SLC7A7: variants seen among roughly 807,000 people sequenced by gnomAD.
SLC7A7 encodes the protein Y+L amino acid transporter 1.
A neutral mutation model predicts 47.9 loss-of-function variants in SLC7A7; 39 were observed. The observed-to-expected ratio is 0.81, with a 90% CI of 0.63 to 1.06. The LOEUF (loss-of-function observed/expected upper bound fraction) is 1.06, where lower values mean the gene tolerates loss of function less well. SLC7A7 is among the 50% of genes least tolerant of loss of function. SLC7A7 has a pLI of 0.00. For missense variants in SLC7A7, 588 were observed against 632.0 expected, an observed-to-expected ratio of 0.93 and a Z score of 0.75; for synonymous variants, 234 against 242.8, an observed-to-expected ratio of 0.96 and a Z score of 0.34.
chr14:22,789,456 C>T (rs573725906), intron 2 of SLC7A7, among the ~76,000 whole-genome samples: 17 of 151,936 alleles, frequency 1.1e-4, no homozygotes, highest in Admixed American at 5.2e-4. Context: ...GGTGAAACCC[C>T]GTCTCTACTA....
intron 2 of SLC7A7, among the ~76,000 whole-genome samples, chr14:22,797,353 C>A (rs1372237074): frequency 6.6e-6 from 1 of 152,196 alleles, no homozygotes; most frequent in Non-Finnish European, 1.5e-5. Flanking sequence ...GCAACCATTT[C>A]TACTACCCTA....
In SLC7A7 at chr14:22,774,486, G is replaced by C. The variant is rs1258584863; in HGVS notation, c.1113C>G (p.Ile371Met). The C allele has an allele frequency of 6.2e-7, 1 of 1,614,018 alleles. No individual in the cohort carries two copies. Among genetic ancestry groups the C allele is most frequent in the African/African-American group, 1.3e-5 (1 of 74,900 alleles). ...SLLFNGIMALIYLCVEDIFQL... is the reference protein window; with the variant it reads ...SLLFNGIMALMYLCVEDIFQL... ...GGAAGATGTCTTCCACGCACAAGTA[G>C]ATCAATGCCATGATACCCTGTAAGC... is the stretch of plus-strand genomic sequence containing the variant. Residue 371 changes from isoleucine to methionine, a missense_variant, in exon 8 of 10, where the codon ATC becomes ATG. Ile to Met is a conservative substitution (Grantham distance 10, BLOSUM62 1). Coordinates refer to ENST00000674313, the MANE Select transcript of SLC7A7 (RefSeq NM_003982.4).
chr14:22,790,713 A>G (rs1479460494), intron 2 of SLC7A7, among the ~76,000 whole-genome samples: 2 of 152,016 alleles, frequency 1.3e-5, no homozygotes, highest in Admixed American at 6.6e-5. Flanking sequence ...AAAAGGTCAA[A>G]TACGGGCCGG....
chr14:22,797,302 C>T (rs1299362672), intron 2 of SLC7A7, among the ~76,000 whole-genome samples: 1 of 152,170 alleles, frequency 6.6e-6, no homozygotes, highest in Non-Finnish European at 1.5e-5. Context: ...GAATAAGCAG[C>T]TTCAGGAGGT....
intron 2 of SLC7A7, among the ~76,000 whole-genome samples, chr14:22,790,138 G>A (rs1005293940): frequency 6.6e-6 from 1 of 151,906 alleles, no homozygotes; most frequent in Non-Finnish European, 1.5e-5. Context: ...AAACCAGCCT[G>A]GGCAACATAG....
intron 2 of SLC7A7, among the ~76,000 whole-genome samples, chr14:22,810,149 CACAG>C (rs1206461033): frequency 6.6e-6 from 1 of 150,444 alleles, no homozygotes; most frequent in East Asian, 2.0e-4. Context: ...TCAGAAATGA[CACAG>C]ACAAAGATAG....
chr14:22,793,618 C>T (rs1423020218), intron 2 of SLC7A7, among the ~76,000 whole-genome samples: 2 of 151,944 alleles, frequency 1.3e-5, no homozygotes, highest in African/African-American at 4.8e-5. Context: ...TCAAGACCAG[C>T]CTGGGCAACA....
intron 2 of SLC7A7, among the ~76,000 whole-genome samples, chr14:22,782,075 A>C (rs1201209003): frequency 6.6e-6 from 1 of 151,950 alleles, no homozygotes; most frequent in African/African-American, 2.4e-5. Flanking sequence ...ATGGAAATAC[A>C]TGGCTTGTTT....
At chr14:22,814,257 G>A (rs551470853) in intron 1 of SLC7A7, among the ~76,000 whole-genome samples, 97 of 151,714 alleles carry the variant, frequency 6.4e-4, no homozygotes, top group African/African-American at 2.3e-3. Flanking sequence ...GCCAAGGCGG[G>A]CAGATCACCT....
intron 4 of SLC7A7, 122 bp downstream of exon 4, chr14:22,778,671 C>T: frequency 9.8e-7 from 1 of 1,019,980 alleles, no homozygotes; most frequent in Admixed American, 2.5e-5. Flanking sequence ...GGCCTCCCAT[C>T]TATTAAAATG....
In SLC7A7 at chr14:22,779,993, A is replaced by G. The variant is rs567180118; in HGVS notation, c.558T>C (p.Ile186=). Residue 186 remains isoleucine, a synonymous_variant, in exon 3 of 10, where the codon ATT becomes ATC. Transcript: ENST00000674313. Reference sequence around the variant, plus strand: ...GTGCCAATACTTTAGCATAGGTGAAAATATCTTGTACCAGGGTTCCCCATT... The same window carrying G: ...GTGCCAATACTTTAGCATAGGTGAAGATATCTTGTACCAGGGTTCCCCATT... ...YVKWGTLVQD[I]FTYAKVLALI... The G allele has an allele frequency of 9.9e-6, 16 of 1,614,164 alleles. No individual in the cohort carries two copies. In the South Asian group the frequency reaches 1.3e-4, roughly 13 times the overall value.
At chr14:22,809,970 C>T (rs1316807873) in intron 2 of SLC7A7, among the ~76,000 whole-genome samples, 3 of 131,174 alleles carry the variant, frequency 2.3e-5, no homozygotes, top group Non-Finnish European at 3.1e-5. Flanking sequence ...ACTCGGGAGG[C>T]GGAGGTTGCA....
At chr14:22,796,818 T>C (rs2039029403) in intron 2 of SLC7A7, among the ~76,000 whole-genome samples, 1 of 152,184 alleles carries the variant, frequency 6.6e-6, no homozygotes, top group Admixed American at 6.5e-5. Context: ...ACCTATCCTC[T>C]TGCTGAGAGG....
rs2038526778 is a variant in SLC7A7 at position 22,773,708 on chromosome 14, T to C, written c.1438A>G (p.Thr480Ala). ...ATACACAGGACCTGGAGGTACCTTG[T>C]GGCAGACCCTACAAAGAGAACTTTG... ...LYLRRIVGSA[T>A]RYLQVLCMSV... Residue 480 changes from threonine to alanine, a missense_variant, in exon 10 of 10, where the codon ACA becomes GCA. Thr to Ala is a moderately conservative substitution (Grantham distance 58). Transcript: ENST00000674313. 1.9e-6 allele frequency: 3 copies of C among 1,614,016 alleles called. No homozygotes were observed. In the South Asian group the frequency reaches 3.3e-5, roughly 18 times the overall value.
At chr14:22,797,841 C>T (rs59248939) in intron 2 of SLC7A7, among the ~76,000 whole-genome samples, 1 of 152,154 alleles carries the variant, frequency 6.6e-6, no homozygotes, top group Non-Finnish European at 1.5e-5. Context: ...TTCAACAGCT[C>T]TAAAGGTAGA....
At chr14:22,791,730 A>G (rs995178137) in intron 2 of SLC7A7, among the ~76,000 whole-genome samples, 5 of 152,030 alleles carry the variant, frequency 3.3e-5, no homozygotes, top group South Asian at 2.1e-4. Context: ...GAAACGCCTC[A>G]TATCTGTTAC....
chr14:22,808,273 A>C (rs1380249294), intron 2 of SLC7A7, among the ~76,000 whole-genome samples: 1 of 152,204 alleles, frequency 6.6e-6, no homozygotes, highest in African/African-American at 2.4e-5. Flanking sequence ...TTTCTGGACT[A>C]TAAATTATTG....
At chr14:22,776,627 G>A (rs2038613705) in intron 4 of SLC7A7, among the ~76,000 whole-genome samples, 1 of 152,104 alleles carries the variant, frequency 6.6e-6, no homozygotes. Context: ...GAGTCTAGGA[G>A]TTGGAGACCA....
At chr14:22,815,169 C>G (rs1293854321) in intron 1 of SLC7A7, 151 bp downstream of exon 1, 1 of 358,758 alleles carries the variant, frequency 2.8e-6, no homozygotes, top group Admixed American at 3.6e-5. Flanking sequence ...CAGGAGACAG[C>G]TGAGAGGAAA....
Sources: gnomAD v4.1 joint callset for allele counts (sites outside exome capture counted in the v4.1 genomes callset) on GRCh38, gnomAD v4.1.1 for gene constraint, MANE v1.5 for transcripts, NCBI Gene and HGNC (gene_info 2026-07-23, HGNC 2026-07-21) for gene names.